The following TPGS2 variants were observed in gnomAD, a reference collection of about 807,000 sequenced individuals.
The protein encoded by TPGS2 is polyglutamylase subunit 2.
Under a neutral mutation model 31.1 loss-of-function variants are expected in TPGS2, and 26 were observed. That is an observed-to-expected ratio of 0.84 (90% confidence interval 0.61 to 1.16). The LOEUF (loss-of-function observed/expected upper bound fraction) is 1.16, where lower values mean the gene tolerates loss of function less well. Among genes scored for constraint, TPGS2 ranks in the 50% most tolerant of loss-of-function variants. The pLI is 0.00. For synonymous variants in TPGS2, 130 were observed against 136.6 expected (o/e 0.95, Z 0.34); for missense variants, 351 against 363.8 (o/e 0.96, Z 0.29).
At chr18:36,794,050 T>C (rs1241495018), downstream of TPGS2, 4 of 176,198 alleles carry the variant, frequency 2.3e-5, no homozygotes, top group African/African-American at 9.5e-5. Flanking sequence ...CAAGTGCTCA[T>C]ATTTTCATTT....
chr18:36,816,334 C>T (rs1485793992), intron 2 of TPGS2, among the ~76,000 whole-genome samples: 1 of 152,168 alleles, frequency 6.6e-6, no homozygotes, highest in Non-Finnish European at 1.5e-5. Flanking sequence ...CAGACTCTAT[C>T]CCTGAAACTC....
At chr18:36,823,460 GTTTTTTTT>G (rs919277214) in intron 1 of TPGS2, among the ~76,000 whole-genome samples, 1 of 108,110 alleles carries the variant, frequency 9.2e-6, no homozygotes, top group African/African-American at 3.8e-5. Flanking sequence ...TTAACAGCTT[GTTTTTTTT>G]TTTTTTTTTT....
intron 1 of TPGS2, among the ~76,000 whole-genome samples, chr18:36,819,222 G>A (rs911709279): frequency 6.6e-6 from 1 of 152,148 alleles, no homozygotes; most frequent in African/African-American, 2.4e-5. Context: ...TCATTGCTCA[G>A]TCATTAATCT....
chr18:36,811,601 G>C (rs1055933522), intron 2 of TPGS2, among the ~76,000 whole-genome samples: 5 of 152,178 alleles, frequency 3.3e-5, no homozygotes, highest in African/African-American at 7.2e-5. Flanking sequence ...GGGGGAATTA[G>C]TGGGGGAAGC....
At chr18:36,812,332 A>G (rs2045466308) in intron 2 of TPGS2, among the ~76,000 whole-genome samples, 5 of 152,314 alleles carry the variant, frequency 3.3e-5, no homozygotes, top group Middle Eastern at 3.4e-3. Flanking sequence ...AGTGGGTTGG[A>G]ACTTTCAGCC....
At chr18:36,821,874 G>C (rs1259753872) in intron 1 of TPGS2, among the ~76,000 whole-genome samples, 1 of 152,194 alleles carries the variant, frequency 6.6e-6, no homozygotes, top group Non-Finnish European at 1.5e-5. Flanking sequence ...CTTTATTTTA[G>C]ACTGGTTAGC....
rs368331486 is a variant in TPGS2, at chr18:36,807,834, G to A, written c.253+13C>T. 271 of 1,613,102 alleles carry A rather than the reference G, an allele frequency of 1.7e-4. No homozygotes were observed. Among genetic ancestry groups the A allele is most frequent in the Non-Finnish European group, 2.2e-4 (256 of 1,179,330 alleles). ...AGCCAGGGAAATGTTCTCCTACAAG[G>A]AGGCTGACTCACCATCCAGCTTCAC... On this transcript the variant is annotated intron_variant, in intron 3 of 6. Transcript: ENST00000334295.
intron 1 of TPGS2, chr18:36,823,766 T>C (rs2046010716): frequency 3.1e-6 from 3 of 959,768 alleles, no homozygotes; most frequent in Non-Finnish European, 3.7e-6. Flanking sequence ...GGCCAACAGC[T>C]TGTTTTAAAG....
intron 6 of TPGS2, 103 bp downstream of exon 6, chr18:36,798,346 T>G (rs2044632299): frequency 1.3e-6 from 2 of 1,565,150 alleles, no homozygotes; most frequent in South Asian, 2.4e-5. Context: ...CCACCCTAGA[T>G]CTCCTGAATC....
At chr18:36,808,082 G>T in intron 2 of TPGS2, 148 bp from the exon 3 acceptor site, 1 of 739,134 alleles carries the variant, frequency 1.4e-6, no homozygotes, top group Non-Finnish European at 2.2e-6. Flanking sequence ...CTATTAGAGA[G>T]GCACTGGGGT....
chr18:36,784,250 C>A (rs542575044), intron 6 of TPGS2, among the ~76,000 whole-genome samples: 1 of 152,198 alleles, frequency 6.6e-6, no homozygotes, highest in African/African-American at 2.4e-5. Context: ...AAATGTGCAC[C>A]GCGCACCCGT....
intron 6 of TPGS2, 166 bp downstream of exon 6, chr18:36,798,283 G>T: frequency 7.0e-7 from 1 of 1,435,754 alleles, no homozygotes. Context: ...GTAAAGTGAG[G>T]CTGTCCATTG....
chr18:36,799,658 C>T (rs1022849002), intron 5 of TPGS2, among the ~76,000 whole-genome samples: 6 of 152,116 alleles, frequency 3.9e-5, no homozygotes, highest in African/African-American at 1.4e-4. Flanking sequence ...TCCTCTCACC[C>T]CTACCAGACA....
intron 1 of TPGS2, among the ~76,000 whole-genome samples, chr18:36,825,506 T>C (rs1273817339): frequency 2.6e-5 from 4 of 152,128 alleles, no homozygotes; most frequent in African/African-American, 9.7e-5. Flanking sequence ...TCTTATTTCA[T>C]TGATCTACAT....
Position 36,810,405 on chromosome 18 carries a change from A to T in TPGS2, c.166-2471T>A, listed in dbSNP as rs552309935. Reference sequence around the variant, plus strand: ...ACTGCCGTTTTAAAATTTCTGTTCTAACCAACCTGAAAAGAGTTTGCTTTT... The same window carrying T: ...ACTGCCGTTTTAAAATTTCTGTTCTTACCAACCTGAAAAGAGTTTGCTTTT... On this transcript the variant is annotated intron_variant, in intron 2 of 6. Coordinates refer to ENST00000334295, the MANE Select transcript of TPGS2 (RefSeq NM_015476.4). Among the ~76,000 whole-genome samples the T allele has an allele frequency of 1.2e-3, 177 of 152,114 alleles. 1 individual carries two copies. Among genetic ancestry groups the T allele is most frequent in the Non-Finnish European group, 2.1e-3 (145 of 67,994 alleles).
In TPGS2 at chr18:36,807,809, A is replaced by C. The variant is rs377028103; in HGVS notation, c.253+38T>G. ...TCAGAGTTGTCCCATTCAATCTCTC[A>C]GCCAGGGAAATGTTCTCCTACAAGG... On this transcript the variant is annotated intron_variant, in intron 3 of 6. Coordinates refer to ENST00000334295, the MANE Select transcript of TPGS2 (RefSeq NM_015476.4). The C allele has an allele frequency of 2.5e-6, 4 of 1,595,698 alleles. No individual in the cohort carries two copies. The African/African-American group carries it at 4.0e-5, about 16-fold the overall frequency.
chr18:36,781,666 A>G, downstream of TPGS2: 2 of 763,232 alleles, frequency 2.6e-6, no homozygotes, highest in Non-Finnish European at 3.2e-6. Flanking sequence ...AGCCTCTGCG[A>G]CTCTGCATTC....
intron 4 of TPGS2, among the ~76,000 whole-genome samples, chr18:36,802,414 G>C (rs1014011354): frequency 1.3e-5 from 2 of 152,180 alleles, no homozygotes; most frequent in African/African-American, 4.8e-5. Flanking sequence ...CCAGAGTACA[G>C]AGTATTACCT....
At chr18:36,812,233 C>A (rs1391041366) in intron 2 of TPGS2, among the ~76,000 whole-genome samples, 3 of 152,178 alleles carry the variant, frequency 2.0e-5, no homozygotes, top group African/African-American at 7.2e-5. Context: ...AAAGTGACAT[C>A]TTTTTGTGTG....
Sources: gnomAD v4.1 joint callset for allele counts (sites outside exome capture counted in the v4.1 genomes callset) on GRCh38, gnomAD v4.1.1 for gene constraint, MANE v1.5 for transcripts, NCBI Gene and HGNC (gene_info 2026-07-23, HGNC 2026-07-21) for gene names.